The following SAMD4A variants were observed in gnomAD, a reference collection of about 807,000 sequenced individuals.
SAMD4A encodes the protein sterile alpha motif domain containing 4A.
In SAMD4A, 33 loss-of-function variants were observed where a neutral mutation model predicts 81.3. That is an observed-to-expected ratio of 0.41 (90% CI 0.31 to 0.54). SAMD4A has a LOEUF of 0.54. Ranked by LOEUF, SAMD4A falls within the 20% of genes least tolerant of loss-of-function variation. SAMD4A has a pLI of 0.37. For missense variants in SAMD4A, 854 were observed against 951.1 expected (o/e 0.90, Z 1.34); for synonymous variants, 389 against 382.1 (o/e 1.02, Z -0.21).
intron 2 of SAMD4A, among the ~76,000 whole-genome samples, chr14:54,685,273 T>TTC (rs1183816823): frequency 4.0e-5 from 1 of 25,158 alleles, no homozygotes; most frequent in Non-Finnish European, 3.7e-4. Flanking sequence ...CCATTCTTCC[T>TTC]GCCCCCCCCC....
intron 8 of SAMD4A, among the ~76,000 whole-genome samples, chr14:54,769,438 A>G (rs2038643823): frequency 6.6e-6 from 1 of 152,220 alleles, no homozygotes. Context: ...TAACATAGGT[A>G]AGAGTTTGTT....
At position 54,789,306 on chromosome 14, in the gene SAMD4A, ACAG is replaced by A; in HGVS notation, c.*366_*368del. The A allele has an allele frequency of 3.5e-6, 1 of 288,858 alleles. No individual in the cohort carries two copies. Among genetic ancestry groups the A allele is most frequent in the Middle Eastern group, 1.1e-3 (1 of 950 alleles). The allele number at this position is 288,858 out of a possible 1,614,324, so 17.9% of individuals were successfully genotyped here. A position where few individuals can be genotyped will look rare whatever the true frequency, so the allele number is the denominator to read the frequency against. The stretch of plus-strand genomic sequence containing the variant: ...AAAGAGATAGGAGACACATAAGAGG[ACAG>A]CAGAAGCCCTGGCCCTGGGGAGGCT... On this transcript the variant is annotated 3_prime_UTR_variant, in exon 13 of 13. Coordinates refer to ENST00000554335, the MANE Select transcript of SAMD4A (RefSeq NM_015589.6).
intron 2 of SAMD4A, among the ~76,000 whole-genome samples, chr14:54,570,336 G>T (rs1373121556): frequency 6.6e-6 from 1 of 152,182 alleles, no homozygotes. Flanking sequence ...GAACCAGGAA[G>T]GGGGCAAAAA....
At chr14:54,691,126 T>C (rs531259446) in intron 2 of SAMD4A, among the ~76,000 whole-genome samples, 5 of 152,264 alleles carry the variant, frequency 3.3e-5, no homozygotes, top group Admixed American at 1.3e-4. Context: ...CTGCGTCTGC[T>C]CCTCTCCGTC....
chr14:54,686,104 T>C (rs1178720515), intron 2 of SAMD4A, among the ~76,000 whole-genome samples: 1 of 152,146 alleles, frequency 6.6e-6, no homozygotes, highest in Non-Finnish European at 1.5e-5. Flanking sequence ...TCAGCACAAA[T>C]CCCTCATGTC....
chr14:54,773,138 C>G (rs536226129), intron 9 of SAMD4A, among the ~76,000 whole-genome samples: 3 of 152,222 alleles, frequency 2.0e-5, no homozygotes, highest in Admixed American at 2.0e-4. Flanking sequence ...TAGAAAGGCA[C>G]AAGCCCAGAA....
chr14:54,691,575 A>T (rs2036442550), intron 2 of SAMD4A, among the ~76,000 whole-genome samples: 2 of 132,950 alleles, frequency 1.5e-5, no homozygotes, highest in Admixed American at 1.6e-4. Flanking sequence ...AAAAAAAAAA[A>T]TCTGAAAAAT....
At chr14:54,646,371 G>A (rs189567699) in intron 2 of SAMD4A, among the ~76,000 whole-genome samples, 21 of 152,308 alleles carry the variant, frequency 1.4e-4, no homozygotes, top group African/African-American at 3.8e-4. Context: ...TGTACTTCCC[G>A]TGCTCTGGCA....
At chr14:54,698,276 T>C (rs1222635229) in intron 2 of SAMD4A, among the ~76,000 whole-genome samples, 1 of 152,258 alleles carries the variant, frequency 6.6e-6, no homozygotes, top group Non-Finnish European at 1.5e-5. Flanking sequence ...TTATAACTAT[T>C]ACATATTTGT....
At chr14:54,675,602 G>T (rs765399138) in intron 2 of SAMD4A, among the ~76,000 whole-genome samples, 9 of 152,188 alleles carry the variant, frequency 5.9e-5, no homozygotes, top group Non-Finnish European at 8.8e-5. Flanking sequence ...TTTAGGAACT[G>T]TGTGATTTAA....
intron 2 of SAMD4A, among the ~76,000 whole-genome samples, chr14:54,663,207 A>C (rs1301949634): frequency 6.6e-6 from 1 of 152,240 alleles, no homozygotes; most frequent in Non-Finnish European, 1.5e-5. Flanking sequence ...GTTCCATTAA[A>C]TATACCATCC....
intron 2 of SAMD4A, among the ~76,000 whole-genome samples, chr14:54,624,098 C>T (rs1410561281): frequency 1.3e-5 from 2 of 152,178 alleles, no homozygotes; most frequent in Non-Finnish European, 2.9e-5. Context: ...GTCTCAGCCT[C>T]CCGAGTAGCT....
At chr14:54,775,631 C>G (rs1236420232) in intron 10 of SAMD4A, among the ~76,000 whole-genome samples, 1 of 152,144 alleles carries the variant, frequency 6.6e-6, no homozygotes, top group Non-Finnish European at 1.5e-5. Context: ...TTAGAGCTGA[C>G]TTCTCTGGCC....
chr14:54,629,113 G>A (rs1034879360), intron 2 of SAMD4A, among the ~76,000 whole-genome samples: 20 of 152,010 alleles, frequency 1.3e-4, no homozygotes, highest in African/African-American at 4.1e-4. Flanking sequence ...ATAAGAAGCC[G>A]ACAATGCCAT....
chr14:54,688,953 C>T (rs368140952), intron 2 of SAMD4A, among the ~76,000 whole-genome samples: 4 of 56,756 alleles, frequency 7.0e-5, no homozygotes, highest in Non-Finnish European at 1.9e-4. Context: ...TTTTTTGAGG[C>T]GGAGTTTTGC....
intron 2 of SAMD4A, among the ~76,000 whole-genome samples, chr14:54,639,391 A>G (rs1464204863): frequency 6.6e-6 from 1 of 152,154 alleles, no homozygotes; most frequent in African/African-American, 2.4e-5. Context: ...TGTGTCTCAC[A>G]CCCTTGTCTA....
intron 2 of SAMD4A, among the ~76,000 whole-genome samples, chr14:54,665,247 A>C (rs1367311208): frequency 6.6e-6 from 1 of 152,262 alleles, no homozygotes; most frequent in Non-Finnish European, 1.5e-5. Context: ...TGGAATGCTT[A>C]AAATCATAAA....
At chr14:54,620,374 CATCATCATT>C (rs1252364854) in intron 2 of SAMD4A, among the ~76,000 whole-genome samples, 1 of 152,118 alleles carries the variant, frequency 6.6e-6, no homozygotes, top group East Asian at 1.9e-4. Flanking sequence ...TCATCATCAT[CATCATCATT>C]ATCAAAACTA....
chr14:54,694,770 C>T, intron 2 of SAMD4A: 1 of 985,386 alleles, frequency 1.0e-6, no homozygotes, highest in Non-Finnish European at 1.2e-6. Flanking sequence ...AACTTGAGTC[C>T]TTGGCTGAGA....
Sources: allele counts gnomAD v4.1 joint callset (sites outside exome capture counted in the v4.1 genomes callset), GRCh38; gene constraint gnomAD v4.1.1; transcripts MANE v1.5; gene names NCBI Gene and HGNC (gene_info 2026-07-23, HGNC 2026-07-21).